Variants in AKAP13 observed in about 807,000 individuals in gnomAD.
AKAP13 encodes the protein A-kinase anchoring protein 13.
AKAP13 carries 80 observed loss-of-function variants against 264.5 expected under a neutral mutation model. The observed-to-expected ratio is 0.30, with a 90% CI of 0.25 to 0.36. The LOEUF is 0.36. AKAP13 is among the 10% of genes least tolerant of loss of function. The pLI is 1.00. For synonymous variants in AKAP13, 1,380 were observed against 1,250.2 expected, an observed-to-expected ratio of 1.10 and a Z score of -2.19; for missense variants, 3,712 against 3,435.2, an observed-to-expected ratio of 1.08 and a Z score of -2.01.
At chr15:85,466,086 C>T (rs553937961) in intron 1 of AKAP13, among the ~76,000 whole-genome samples, 33 of 152,316 alleles carry the variant, frequency 2.2e-4, no homozygotes, top group African/African-American at 7.5e-4. Context: ...TTCTGATTTG[C>T]ATTTCTCTGA....
At chr15:85,562,574 A>AAAT (rs1351834745) in intron 5 of AKAP13, among the ~76,000 whole-genome samples, 15 of 77,686 alleles carry the variant, frequency 1.9e-4, no homozygotes, top group African/African-American at 5.2e-4. Context: ...CAAAAAAAAA[A>AAAT]ATATATATAT....
At chr15:85,459,492 C>T (rs577844255) in intron 1 of AKAP13, among the ~76,000 whole-genome samples, 23 of 150,776 alleles carry the variant, frequency 1.5e-4, no homozygotes, top group Non-Finnish European at 3.1e-4. Flanking sequence ...AGCCACCACA[C>T]CCAGCCTGCT....
At chr15:85,473,240 T>C (rs1280004234) in intron 1 of AKAP13, among the ~76,000 whole-genome samples, 1 of 151,770 alleles carries the variant, frequency 6.6e-6, no homozygotes, top group Non-Finnish European at 1.5e-5. Flanking sequence ...TTTTGTTAAC[T>C]GGGCGCGGGT....
intron 19 of AKAP13, among the ~76,000 whole-genome samples, chr15:85,714,695 G>A (rs1384937542): frequency 1.3e-5 from 2 of 152,206 alleles, no homozygotes; most frequent in African/African-American, 4.8e-5. Context: ...GGGGCCAGGT[G>A]CAGTGGCTCA....
At chr15:85,409,626 GTT>G (rs1333608342) in intron 1 of AKAP13, among the ~76,000 whole-genome samples, 27 of 129,934 alleles carry the variant, frequency 2.1e-4, no homozygotes, top group African/African-American at 7.2e-4. Flanking sequence ...GCTAGTAGTA[GTT>G]TTTTTTTTTT....
intron 2 of AKAP13, among the ~76,000 whole-genome samples, chr15:85,507,562 C>T (rs1795462978): frequency 1.3e-5 from 2 of 152,178 alleles, no homozygotes; most frequent in Admixed American, 6.5e-5. Flanking sequence ...CTGCCTTTTC[C>T]TTGTGTCTAG....
At chr15:85,467,336 C>G (rs1219201223) in intron 1 of AKAP13, among the ~76,000 whole-genome samples, 1 of 152,078 alleles carries the variant, frequency 6.6e-6, no homozygotes, top group African/African-American at 2.4e-5. Flanking sequence ...TTGAACTTGC[C>G]TACTTTGCGA....
chr15:85,406,218 A>G (rs2071654406), intron 1 of AKAP13, among the ~76,000 whole-genome samples: 1 of 152,110 alleles, frequency 6.6e-6, no homozygotes, highest in South Asian at 2.1e-4. Flanking sequence ...TTTGATTAAG[A>G]CTGCACACCC....
chr15:85,548,971 A>G (rs2077855789), intron 5 of AKAP13, among the ~76,000 whole-genome samples: 1 of 151,932 alleles, frequency 6.6e-6, no homozygotes, highest in South Asian at 2.1e-4. Flanking sequence ...GCTTTGAGAA[A>G]TAAACAATTC....
At chr15:85,487,311 G>C (rs2075584791) in intron 2 of AKAP13, among the ~76,000 whole-genome samples, 1 of 152,156 alleles carries the variant, frequency 6.6e-6, no homozygotes, top group Admixed American at 6.5e-5. Flanking sequence ...TAGAAGTGGT[G>C]AGCGCAAACA....
intron 2 of AKAP13, among the ~76,000 whole-genome samples, chr15:85,487,442 C>G (rs2075589201): frequency 6.6e-6 from 1 of 152,114 alleles, no homozygotes; most frequent in African/African-American, 2.4e-5. Context: ...CCTTCTATTC[C>G]TAGTTTGACT....
At chr15:85,640,002 T>C (rs1476153138) in intron 9 of AKAP13, among the ~76,000 whole-genome samples, 1 of 152,236 alleles carries the variant, frequency 6.6e-6, no homozygotes, top group Non-Finnish European at 1.5e-5. Context: ...GAGTTATTCC[T>C]AACAACACTT....
In AKAP13 at chr15:85,631,500, TCTCACACACACA is replaced by T. The variant is rs1326428003; in HGVS notation, c.4162-7872_4162-7861del. On this transcript the variant is annotated intron_variant, in intron 8 of 36. Coordinates refer to ENST00000394518, the MANE Select transcript of AKAP13 (RefSeq NM_007200.5). ...CACACACTTTCTCTCTCTCTCTCTC[TCTCACACACACA>T]CACACACACACACACACACACACAC... is the stretch of plus-strand genomic sequence containing the variant. 1.3e-3 allele frequency among the ~76,000 whole-genome samples: 103 copies of T among 80,180 alleles called. 1 individual carries two copies. The highest frequency in any genetic ancestry group is 3.8e-3 in the African/African-American group (89 of 23,396). 52.6% of individuals were successfully genotyped at this position (80,180 alleles called of 152,430 possible).
At chr15:85,640,090 TA>T (rs891356360) in intron 9 of AKAP13, among the ~76,000 whole-genome samples, 5 of 152,204 alleles carry the variant, frequency 3.3e-5, no homozygotes, top group African/African-American at 1.2e-4. Context: ...TCCCAACTTT[TA>T]AACCAGGTCC....
intron 8 of AKAP13, among the ~76,000 whole-genome samples, chr15:85,596,458 C>T (rs775597667): frequency 1.6e-4 from 24 of 152,018 alleles, no homozygotes; most frequent in Admixed American, 1.4e-3. Flanking sequence ...ATTAGCCAGG[C>T]GTGGTGGCAT....
chr15:85,720,807 G>C (rs2087238263), intron 23 of AKAP13, among the ~76,000 whole-genome samples: 1 of 152,160 alleles, frequency 6.6e-6, no homozygotes, highest in Non-Finnish European at 1.5e-5. Flanking sequence ...TCATTTTTCA[G>C]GTATTTACTG....
chr15:85,633,154 C>A (rs150145076), intron 8 of AKAP13, among the ~76,000 whole-genome samples: 254 of 152,322 alleles, frequency 1.7e-3, no homozygotes, highest in African/African-American at 5.8e-3. Context: ...GCATGTGCCA[C>A]CGCGCCCGGC....
At chr15:85,557,520 G>C (rs1053038862) in intron 5 of AKAP13, among the ~76,000 whole-genome samples, 1 of 152,014 alleles carries the variant, frequency 6.6e-6, no homozygotes, top group Non-Finnish European at 1.5e-5. Flanking sequence ...GTCTCATTCT[G>C]TTGCCCAGGT....
chr15:85,582,266 C>T (rs1224003643), intron 7 of AKAP13, among the ~76,000 whole-genome samples, 159 bp downstream of exon 7: 2 of 152,132 alleles, frequency 1.3e-5, no homozygotes, highest in Non-Finnish European at 2.9e-5. Flanking sequence ...AGGAGGGGCA[C>T]GTCATCTCAG....
Sources: gnomAD v4.1 joint callset for allele counts (sites outside exome capture counted in the v4.1 genomes callset) on GRCh38, gnomAD v4.1.1 for gene constraint, MANE v1.5 for transcripts, NCBI Gene and HGNC (gene_info 2026-07-23, HGNC 2026-07-21) for gene names.